The following CA10 variants were observed in gnomAD, a reference collection of about 807,000 sequenced individuals.
The protein encoded by CA10 is carbonic anhydrase 10 (inactive).
In CA10, 14 loss-of-function variants were observed where a neutral mutation model predicts 44.2. The ratio of observed to expected loss-of-function variants is 0.32; its 90% CI spans 0.21 to 0.50. The LOEUF is 0.50. Ranked by LOEUF, CA10 falls within the 20% of genes least tolerant of loss-of-function variation. The probability of loss-of-function intolerance (pLI) is 0.99; values close to 1 mark genes in which losing one functional copy is unlikely to be tolerated. For synonymous variants in CA10, 159 were observed against 141.6 expected (o/e 1.12, Z -0.87); for missense variants, 350 against 409.7 (o/e 0.85, Z 1.26).
chr17:51,866,896 G>T (rs1323643986), intron 3 of CA10, among the ~76,000 whole-genome samples: 2 of 150,704 alleles, frequency 1.3e-5, no homozygotes, highest in Non-Finnish European at 2.9e-5. Context: ...AAATTAAAGG[G>T]AAATTTCAAA....
intron 3 of CA10, among the ~76,000 whole-genome samples, chr17:51,885,855 C>T (rs536096629): frequency 3.5e-4 from 54 of 152,228 alleles, no homozygotes; most frequent in Non-Finnish European, 4.6e-4. Flanking sequence ...GGTAGATTTG[C>T]CTTCTTAAGC....
chr17:51,876,232 T>C (rs1348283885), intron 3 of CA10, among the ~76,000 whole-genome samples: 3 of 143,710 alleles, frequency 2.1e-5, no homozygotes, highest in Admixed American at 7.2e-5. Context: ...AGTGGCATGA[T>C]CTCAGCTCAC....
intron 1 of CA10, among the ~76,000 whole-genome samples, chr17:52,107,138 G>A (rs1412681055): frequency 6.6e-6 from 1 of 152,198 alleles, no homozygotes; most frequent in African/African-American, 2.4e-5. Context: ...GAAGGTTGAG[G>A]TAGGACAGGC....
chr17:52,050,742 T>G (rs1473535877), intron 2 of CA10, among the ~76,000 whole-genome samples: 2 of 152,044 alleles, frequency 1.3e-5, no homozygotes, highest in African/African-American at 4.8e-5. Flanking sequence ...AAATTCTACT[T>G]AACCTTCAGG....
At chr17:51,827,029 TCTC>T (rs1445710947) in intron 3 of CA10, among the ~76,000 whole-genome samples, 1 of 152,126 alleles carries the variant, frequency 6.6e-6, no homozygotes, top group East Asian at 1.9e-4. Context: ...TCATGATTCA[TCTC>T]CTCAAGGTTT....
At chr17:51,933,158 A>G (rs1209607059) in intron 2 of CA10, among the ~76,000 whole-genome samples, 1 of 152,126 alleles carries the variant, frequency 6.6e-6, no homozygotes, top group African/African-American at 2.4e-5. Flanking sequence ...CTCTCCACCA[A>G]TGATGTTTAC....
chr17:51,966,066 A>G (rs1430842147), intron 2 of CA10, among the ~76,000 whole-genome samples: 3 of 151,964 alleles, frequency 2.0e-5, no homozygotes, highest in Non-Finnish European at 4.4e-5. Flanking sequence ...ATTTCTATAG[A>G]CCAGTAACAT....
intron 6 of CA10, among the ~76,000 whole-genome samples, chr17:51,637,270 T>C (rs1389263381): frequency 2.6e-5 from 4 of 152,200 alleles, no homozygotes; most frequent in Non-Finnish European, 5.9e-5. Context: ...AATGATGCAA[T>C]TCCCCAAAGA....
intron 3 of CA10, among the ~76,000 whole-genome samples, chr17:51,753,289 T>C (rs1260670122): frequency 6.6e-6 from 1 of 152,254 alleles, no homozygotes; most frequent in East Asian, 1.9e-4. Context: ...AGAAGCACTA[T>C]GTTCTTTTGC....
At chr17:51,954,070 T>C (rs1419228580) in intron 2 of CA10, among the ~76,000 whole-genome samples, 1 of 152,168 alleles carries the variant, frequency 6.6e-6, no homozygotes, top group Non-Finnish European at 1.5e-5. Flanking sequence ...ATTATTCTCA[T>C]TTGACAGAAA....
intron 3 of CA10, among the ~76,000 whole-genome samples, chr17:51,900,936 T>C (rs1981286326): frequency 6.6e-6 from 1 of 152,198 alleles, no homozygotes; most frequent in Non-Finnish European, 1.5e-5. Context: ...CTTAGATTCC[T>C]TGGATTGGGT....
chr17:51,972,630 A>G (rs1984322332), intron 2 of CA10, among the ~76,000 whole-genome samples: 1 of 152,194 alleles, frequency 6.6e-6, no homozygotes, highest in Admixed American at 6.5e-5. Flanking sequence ...GTGATCAAAA[A>G]GAGGCCCTTG....
At chr17:52,042,157 T>C (rs888866010) in intron 2 of CA10, among the ~76,000 whole-genome samples, 2 of 152,072 alleles carry the variant, frequency 1.3e-5, no homozygotes, top group African/African-American at 4.8e-5. Context: ...TTAAAGTTTT[T>C]TGAGGAATAT....
intron 4 of CA10, among the ~76,000 whole-genome samples, chr17:51,719,887 A>AAAAAC (rs1024266579): frequency 1.3e-5 from 2 of 152,152 alleles, no homozygotes; most frequent in Non-Finnish European, 2.9e-5. Context: ...CCTGTCACAA[A>AAAAAC]AAAACAAAAC....
At chr17:51,705,767 G>A (rs887322204) in intron 4 of CA10, among the ~76,000 whole-genome samples, 5 of 152,290 alleles carry the variant, frequency 3.3e-5, no homozygotes, top group Admixed American at 3.3e-4. Context: ...CAAAATGGAT[G>A]CAACAATAGC....
chr17:52,061,556 G>A (rs765349812), intron 2 of CA10, among the ~76,000 whole-genome samples: 1 of 152,192 alleles, frequency 6.6e-6, no homozygotes, highest in African/African-American at 2.4e-5. Flanking sequence ...ATTACCAGGT[G>A]TTGAGAGACC....
intron 2 of CA10, among the ~76,000 whole-genome samples, chr17:51,993,272 A>G (rs973446305): frequency 6.6e-6 from 1 of 152,102 alleles, no homozygotes; most frequent in African/African-American, 2.4e-5. Context: ...TGAATTATGT[A>G]TGAAGCACTG....
At chr17:52,028,664 G>A (rs975336825) in intron 2 of CA10, among the ~76,000 whole-genome samples, 1 of 152,142 alleles carries the variant, frequency 6.6e-6, no homozygotes, top group Non-Finnish European at 1.5e-5. Flanking sequence ...ATACCTGGGT[G>A]TGGACAAAAT....
intron 1 of CA10, among the ~76,000 whole-genome samples, chr17:52,116,123 A>T (rs1988890552): frequency 6.6e-6 from 1 of 151,314 alleles, no homozygotes; most frequent in African/African-American, 2.4e-5. Context: ...TCCCTGTTGG[A>T]GAAACCCATT....
Sources: allele counts gnomAD v4.1 joint callset (sites outside exome capture counted in the v4.1 genomes callset), GRCh38; gene constraint gnomAD v4.1.1; transcripts MANE v1.5; gene names NCBI Gene and HGNC (gene_info 2026-07-23, HGNC 2026-07-21).